The following KCNC4 variants were observed in gnomAD, a reference collection of about 807,000 sequenced individuals.
KCNC4 encodes potassium voltage-gated channel subfamily C member 4.
Under a neutral mutation model 42.8 loss-of-function variants are expected in KCNC4, and 23 were observed. That is an observed-to-expected ratio of 0.54 (90% CI 0.39 to 0.76). The LOEUF is 0.76. KCNC4 is among the 30% of genes least tolerant of loss of function. The pLI is 0.00. For missense variants in KCNC4, 751 were observed against 898.2 expected, an observed-to-expected ratio of 0.84 and a Z score of 2.10; for synonymous variants, 422 against 393.5, an observed-to-expected ratio of 1.07 and a Z score of -0.86.
At chr1:110,213,684 G>A (rs1368611026) in intron 1 of KCNC4, among the ~76,000 whole-genome samples, 2 of 152,232 alleles carry the variant, frequency 1.3e-5, no homozygotes, top group East Asian at 1.9e-4. Flanking sequence ...TTTCCTTGCA[G>A]CCCTGAGACT....
Position 110,223,969 on chromosome 1 carries a change from C to T in KCNC4, c.1615+69C>T. On this transcript the variant is annotated intron_variant, in intron 2 of 3. Transcript: ENST00000438661. This position sits in a 1 kb window ranked among gnomAD's most constrained non-coding sequence, Gnocchi z 7.5. ...GCCTAGGGAGTTTCCAAATGGACCT[C>T]AGACCTTGGGATTTGGCATGTGTTT... 1 of 1,228,714 alleles carries T rather than the reference C, an allele frequency of 8.1e-7. No homozygotes were observed. Among genetic ancestry groups the T allele is most frequent in the South Asian group, 1.5e-5 (1 of 67,824 alleles). 76.1% of individuals were successfully genotyped at this position (1,228,714 alleles called of 1,614,324 possible). A position where few individuals can be genotyped will look rare whatever the true frequency, so the allele number is the denominator to read the frequency against.
At chr1:110,224,081 C>A (rs760035546) in intron 2 of KCNC4, 181 bp downstream of exon 2, 1 of 595,486 alleles carries the variant, frequency 1.7e-6, no homozygotes, top group African/African-American at 1.9e-5. Flanking sequence ...GCTGGGTCTC[C>A]GATAGCTTCC....
chr1:110,230,034 G>A (rs980696710), intron 3 of KCNC4, among the ~76,000 whole-genome samples: 1 of 152,186 alleles, frequency 6.6e-6, no homozygotes, highest in African/African-American at 2.4e-5. Flanking sequence ...CCCAAAAGGC[G>A]GACTGGGCAG....
chr1:110,272,098 T>A (rs1320291122), intron 1 of KCNC4, among the ~76,000 whole-genome samples: 1 of 152,218 alleles, frequency 6.6e-6, no homozygotes, highest in Non-Finnish European at 1.5e-5. Flanking sequence ...TCTTCTGTGA[T>A]CTGTCTTGGA....
At chr1:110,227,241 G>A (rs778293136) in intron 3 of KCNC4, among the ~76,000 whole-genome samples, 1 of 152,200 alleles carries the variant, frequency 6.6e-6, no homozygotes, top group African/African-American at 2.4e-5. Context: ...TACAGGAATA[G>A]CCTGTGATGC....
rs1207000087 is a variant in KCNC4 at position 110,212,096 on chromosome 1, C to T, written c.597C>T (p.Gly199=). Residue 199 remains glycine (G), a synonymous_variant, in exon 1 of 4, where the codon GGC becomes GGT. Coordinates refer to ENST00000438661, the MANE Select transcript of KCNC4 (RefSeq NM_001039574.3). The part of the protein sequence containing the change: ...LGPHEGGAGH[G]AGSGGCRGWQ... ...CCCACGAGGGAGGCGCGGGCCATGG[C>T]GCCGGGTCTGGGGGCTGCCGCGGCT... 2.0e-6 allele frequency: 3 copies of T among 1,524,940 alleles called. No homozygotes were observed. The highest frequency in any genetic ancestry group is 2.5e-5 in the East Asian group (1 of 40,410). 94.5% of individuals were successfully genotyped at this position (1,524,940 alleles called of 1,614,324 possible).
chr1:110,234,693 G>C (rs979747139), downstream of KCNC4: 1 of 152,202 alleles, frequency 6.6e-6, no homozygotes, highest in Non-Finnish European at 1.5e-5. Flanking sequence ...TTAATGCTTG[G>C]CTGTCACCAT....
At position 110,233,874 on chromosome 1, in the gene KCNC4, C is replaced by G; in HGVS notation, c.*902C>G. The stretch of plus-strand genomic sequence containing the variant: ...GCCTCTGCCCCTCCCTTGGCCCTCC[C>G]TCCCTGCTCCTCCCTGGTGTTGGTC... On this transcript the variant is annotated 3_prime_UTR_variant, in exon 4 of 4. Transcript: ENST00000438661. 6.5e-6 allele frequency: 1 copy of G among 152,744 alleles called. No individual in the cohort carries two copies. Among genetic ancestry groups the G allele is most frequent in the East Asian group, 1.9e-4 (1 of 5,202 alleles). The allele number at this position is 152,744 out of a possible 1,614,324, so 9.5% of individuals were successfully genotyped here.
downstream of KCNC4, chr1:110,237,488 A>C (rs1021604519): frequency 2.6e-5 from 4 of 152,178 alleles, no homozygotes; most frequent in African/African-American, 9.6e-5. Context: ...CCAAATCAAA[A>C]TGGGTTTCCC....
chr1:110,224,144 C>T, intron 2 of KCNC4: 2 of 534,374 alleles, frequency 3.7e-6, no homozygotes, highest in Non-Finnish European at 3.3e-6. Flanking sequence ...GTGTGATGGG[C>T]AGTACATGGG....
downstream of KCNC4, chr1:110,237,893 T>C (rs1308421271): frequency 6.6e-6 from 1 of 152,282 alleles, no homozygotes; most frequent in African/African-American, 2.4e-5. Context: ...TGTGGCATTA[T>C]TGCAGTGAGC....
intron 1 of KCNC4, among the ~76,000 whole-genome samples, chr1:110,217,788 T>C (rs565689076): frequency 1.4e-3 from 214 of 152,254 alleles, no homozygotes; most frequent in African/African-American, 5.0e-3. Context: ...GGGATGTTTC[T>C]CTGCTGGGAC....
downstream of KCNC4, chr1:110,236,010 A>G (rs1195419241): frequency 1.3e-5 from 2 of 152,204 alleles, no homozygotes; most frequent in Non-Finnish European, 2.9e-5. Context: ...CACAGTGCCT[A>G]GCACATAACC....
downstream of KCNC4, chr1:110,237,455 A>G (rs1244536210): frequency 6.6e-6 from 1 of 152,150 alleles, no homozygotes; most frequent in Admixed American, 6.5e-5. Flanking sequence ...TTTGGAAAAA[A>G]AAAAAACTTT....
intron 1 of KCNC4, among the ~76,000 whole-genome samples, chr1:110,269,701 C>CT (rs112118129): frequency 2.4e-4 from 35 of 147,402 alleles, no homozygotes; most frequent in Non-Finnish European, 2.7e-4. Context: ...ATATATTTAA[C>CT]TTTTTTTTTT....
exon 4 of KCNC4, chr1:110,245,123 A>G (rs1659116728): frequency 6.6e-6 from 1 of 152,212 alleles, no homozygotes; most frequent in Admixed American, 6.5e-5. Context: ...CAGCCTCCCC[A>G]TGAGGGGCTG....
At chr1:110,227,528 C>A (rs1658462705) in intron 3 of KCNC4, among the ~76,000 whole-genome samples, 1 of 152,140 alleles carries the variant, frequency 6.6e-6, no homozygotes, top group Admixed American at 6.5e-5. Context: ...GCTCAGACCT[C>A]TACCCTCGCC....
rs113612775 is a variant in KCNC4, at chr1:110,268,821, G to A, written n.31-13713G>A. ...CGGCTCACTGCAAGCTCCGCCTCCC[G>A]AGTTCACTCCATTCTCCTGCCTCAG... On this transcript the variant is annotated intron_variant and non_coding_transcript_variant, in intron 1 of 2. Transcript: ENST00000412512. Among the ~76,000 whole-genome samples, 1,433 of 149,334 alleles carry A rather than the reference G, an allele frequency of 9.6e-3. 18 individuals are homozygous for A. The highest frequency in any genetic ancestry group is 0.034 in the African/African-American group (1,375 of 40,652).
At chr1:110,213,878 T>G (rs554523502) in intron 1 of KCNC4, among the ~76,000 whole-genome samples, 38 of 151,890 alleles carry the variant, frequency 2.5e-4, no homozygotes, top group Admixed American at 5.2e-4. Context: ...GAGATAGAGA[T>G]AGAGATGGGG....
Sources: allele counts gnomAD v4.1 joint callset (sites outside exome capture counted in the v4.1 genomes callset), GRCh38; gene constraint gnomAD v4.1.1; non-coding constraint Gnocchi (gnomAD v3.1); transcripts MANE v1.5; gene names NCBI Gene and HGNC (gene_info 2026-07-23, HGNC 2026-07-21).